Variants in IL36B observed in about 807,000 individuals in gnomAD.
The protein encoded by IL36B is interleukin-36 beta.
IL36B carries 23 observed loss-of-function variants against 19.3 expected under a neutral mutation model. That is an observed-to-expected ratio of 1.19 (90% CI 0.86 to 1.69). The LOEUF is 1.69. IL36B is among the 40% of genes most tolerant of loss of function. The pLI is 0.00. For synonymous variants in IL36B, 59 were observed against 59.7 expected (o/e 0.99, Z 0.05); for missense variants, 217 against 200.5 (o/e 1.08, Z -0.50).
At chr2:113,024,336 T>G (rs545899291) in intron 5 of IL36B, among the ~76,000 whole-genome samples, 50 of 152,300 alleles carry the variant, frequency 3.3e-4, no homozygotes, top group African/African-American at 1.2e-3. Context: ...GGAATAACAC[T>G]GTGCTCTTTC....
At chr2:113,035,156 C>G (rs1685144654) in intron 1 of IL36B, among the ~76,000 whole-genome samples, 1 of 152,174 alleles carries the variant, frequency 6.6e-6, no homozygotes, top group South Asian at 2.1e-4. Context: ...GGGTTGGAAC[C>G]ATGAGATTTT....
At chr2:113,041,351 A>G (rs1685253574) in intron 1 of IL36B, among the ~76,000 whole-genome samples, 1 of 152,198 alleles carries the variant, frequency 6.6e-6, no homozygotes, top group Admixed American at 6.5e-5. Flanking sequence ...TGGGAGAAAG[A>G]GATACCTTTT....
intron 5 of IL36B, among the ~76,000 whole-genome samples, chr2:113,023,060 C>A (rs887164645): frequency 5.3e-5 from 8 of 152,162 alleles, no homozygotes; most frequent in African/African-American, 1.7e-4. Context: ...CCTAATCCAG[C>A]TGTAACAATA....
At chr2:113,050,693 TAA>T (rs1328314119) in intron 1 of IL36B, among the ~76,000 whole-genome samples, 3 of 152,198 alleles carry the variant, frequency 2.0e-5, no homozygotes, top group Admixed American at 2.0e-4. Flanking sequence ...ATCGAATAAA[TAA>T]GTTATCAAAA....
Position 113,026,029 on chromosome 2 carries a change from C to T in IL36B, c.391+74G>A, listed in dbSNP as rs978804982. Reference sequence around the variant, plus strand: ...TATGTCTCAATACTGCTGGGATCCTCTGAGGAACCATGAAGAATGAACGCA... The same window carrying T: ...TATGTCTCAATACTGCTGGGATCCTTTGAGGAACCATGAAGAATGAACGCA... On this transcript the variant is annotated intron_variant, in intron 5 of 5. Coordinates refer to ENST00000259213, the MANE Select transcript of IL36B (RefSeq NM_014438.5). 5.1e-6 allele frequency: 8 copies of T among 1,560,266 alleles called. No individual in the cohort carries two copies. The African/African-American group carries it at 1.1e-4, about 21-fold the overall frequency.
intron 1 of IL36B, among the ~76,000 whole-genome samples, chr2:113,038,360 C>T (rs1346546126): frequency 6.6e-6 from 1 of 152,236 alleles, no homozygotes; most frequent in Non-Finnish European, 1.5e-5. Flanking sequence ...GACCAGACTT[C>T]ATCCTGTGCC....
At chr2:113,034,239 G>T (rs927586311) in intron 1 of IL36B, among the ~76,000 whole-genome samples, 2 of 152,090 alleles carry the variant, frequency 1.3e-5, no homozygotes, top group African/African-American at 2.4e-5. Context: ...TTCTTGCCCT[G>T]CAAGCTTATC....
chr2:113,034,186 C>T (rs1363075770), intron 1 of IL36B, among the ~76,000 whole-genome samples: 5 of 152,164 alleles, frequency 3.3e-5, no homozygotes, highest in Non-Finnish European at 5.9e-5. Flanking sequence ...CTATCCCTGC[C>T]CATCTGACTT....
intron 5 of IL36B, among the ~76,000 whole-genome samples, chr2:113,024,404 A>G (rs1684916050): frequency 6.6e-6 from 1 of 152,172 alleles, no homozygotes; most frequent in African/African-American, 2.4e-5. Context: ...TATTTTTTCC[A>G]TACTACAGAT....
At chr2:113,029,220 T>G in intron 3 of IL36B, 142 bp from the exon 4 acceptor site, 1 of 812,516 alleles carries the variant, frequency 1.2e-6, no homozygotes, top group South Asian at 2.2e-5. Flanking sequence ...TCAAACCTAT[T>G]TTGTTTTTCG....
chr2:113,037,406 T>C (rs1331980797), intron 1 of IL36B, among the ~76,000 whole-genome samples: 1 of 152,236 alleles, frequency 6.6e-6, no homozygotes, highest in East Asian at 1.9e-4. Context: ...TCCCAGAACT[T>C]TGGGAGGCCA....
chr2:113,028,793 A>T, intron 4 of IL36B, 146 bp downstream of exon 4: 1 of 706,432 alleles, frequency 1.4e-6, no homozygotes, highest in Non-Finnish European at 2.2e-6. Flanking sequence ...CAGCATTTAT[A>T]GATTCAGGGA....
At chr2:113,045,821 C>A (rs2105056268) in intron 1 of IL36B, among the ~76,000 whole-genome samples, 1 of 152,210 alleles carries the variant, frequency 6.6e-6, no homozygotes, top group African/African-American at 2.4e-5. Context: ...CTGTTTTAAG[C>A]TCTTTCATGT....
intron 3 of IL36B, 146 bp downstream of exon 3, chr2:113,030,902 T>A: frequency 1.6e-6 from 1 of 641,610 alleles, no homozygotes; most frequent in Non-Finnish European, 2.8e-6. Context: ...AATCATAGTG[T>A]CCTTTCTCAC....
chr2:113,039,986 T>G (rs1052205645), intron 1 of IL36B, among the ~76,000 whole-genome samples: 1 of 152,190 alleles, frequency 6.6e-6, no homozygotes, highest in African/African-American at 2.4e-5. Context: ...TTTGAAAGTT[T>G]CGTAAGGTGG....
intron 4 of IL36B, chr2:113,028,003 C>A: frequency 1.9e-6 from 3 of 1,614,100 alleles, no homozygotes; most frequent in African/African-American, 2.7e-5. Flanking sequence ...GGCTATGAAC[C>A]AGCCAGGGTA....
In IL36B at chr2:113,035,159, G is replaced by A. The variant is rs192567750; in HGVS notation, c.-57-3393C>T. Among the ~76,000 whole-genome samples the A allele has an allele frequency of 2.6e-5, 4 of 152,324 alleles. No individual in the cohort carries two copies. In the East Asian group the frequency reaches 7.7e-4, roughly 29 times the overall value. On this transcript the variant is annotated intron_variant, in intron 1 of 5. Coordinates refer to ENST00000259213, the MANE Select transcript of IL36B (RefSeq NM_014438.5). ...TGGTTGGCAGAAGGGTTGGAACCAT[G>A]AGATTTTCCCCAAGGGATCAATGGG... is the stretch of plus-strand genomic sequence containing the variant.
intron 1 of IL36B, among the ~76,000 whole-genome samples, chr2:113,048,063 C>T (rs1415845847): frequency 1.3e-5 from 2 of 152,034 alleles, no homozygotes; most frequent in African/African-American, 2.4e-5. Flanking sequence ...AGACTGAGAT[C>T]GTCAGATTGG....
chr2:113,029,201 T>A lies in IL36B; in HGVS notation c.122-123A>T, dbSNP rs570954982. The A allele has an allele frequency of 9.5e-4, 876 of 925,966 alleles. 1 individual carries two copies. Among genetic ancestry groups the A allele is most frequent in the Admixed American group, 1.6e-3 (60 of 38,250 alleles). 57.4% of individuals were successfully genotyped at this position (925,966 alleles called of 1,614,324 possible). ...TTAGCCATGTGGCAGAGACCCTCCATCACCCTCCTCAAACCTATTTTGTTT... is the reference window on the plus strand; with the variant it reads ...TTAGCCATGTGGCAGAGACCCTCCAACACCCTCCTCAAACCTATTTTGTTT... On this transcript the variant is annotated intron_variant, in intron 3 of 5. Coordinates refer to ENST00000259213, the MANE Select transcript of IL36B (RefSeq NM_014438.5).
Sources: allele counts gnomAD v4.1 joint callset (sites outside exome capture counted in the v4.1 genomes callset), GRCh38; gene constraint gnomAD v4.1.1; transcripts MANE v1.5; gene names NCBI Gene and HGNC (gene_info 2026-07-23, HGNC 2026-07-21).